The following PLIN4 variants were observed in gnomAD, a reference collection of about 807,000 sequenced individuals.
PLIN4 encodes perilipin-4.
In PLIN4, 57 loss-of-function variants were observed where a neutral mutation model predicts 52.4. The observed-to-expected ratio is 1.09, with a 90% CI of 0.88 to 1.36. The LOEUF is 1.36. Ranked by LOEUF, PLIN4 falls within the 40% of genes most tolerant of loss-of-function variation. The pLI, the probability that PLIN4 is intolerant of heterozygous loss-of-function variation, is 0.00. For missense variants in PLIN4, 1,757 were observed against 1,770.3 expected, an observed-to-expected ratio of 0.99 and a Z score of 0.13; for synonymous variants, 826 against 785.4, an observed-to-expected ratio of 1.05 and a Z score of -0.86.
In PLIN4 at chr19:4,513,621, C is replaced by T. The variant is rs772367508; in HGVS notation, c.339G>A (p.Val113=). 12 of 1,609,326 alleles carry T rather than the reference C, an allele frequency of 7.5e-6. No individual in the cohort carries two copies. Among genetic ancestry groups the T allele is most frequent in the East Asian group, 2.2e-5 (1 of 44,732 alleles). Residue 113 remains valine (V), a synonymous_variant, in exon 5 of 8, where the codon GTG becomes GTA. Coordinates refer to ENST00000301286, the MANE Select transcript of PLIN4 (RefSeq NM_001367868.2). Reference sequence around the variant, plus strand: ...GGACCACTCCCTTAGCCACGTCCACCACGCTGGCCACCCCGGAGGACACGG... The same window carrying T: ...GGACCACTCCCTTAGCCACGTCCACTACGCTGGCCACCCCGGAGGACACGG... The part of the protein sequence containing the change: ...KDAVSSGVAS[V]VDVAKGVVQG...
Position 4,518,213 on chromosome 19 carries a change from CCT to C in PLIN4, c.51+7_51+8del. The C allele has an allele frequency of 2.4e-6, 3 of 1,233,214 alleles. No homozygotes were observed. Among genetic ancestry groups the C allele is most frequent in the East Asian group, 3.2e-5 (1 of 31,724 alleles). 76.4% of individuals were successfully genotyped at this position (1,233,214 alleles called of 1,614,324 possible). A position where few individuals can be genotyped will look rare whatever the true frequency, so the allele number is the denominator to read the frequency against. ...CCCAGCAAGAATCTGCCCCATTTCC[CCT>C]CTTTACCTTGCCCTTCGGTTTGGGG... On this transcript the variant is annotated splice_region_variant and intron_variant, in intron 2 of 7. Coordinates refer to ENST00000301286, the MANE Select transcript of PLIN4 (RefSeq NM_001367868.2).
rs773425940 is a variant in PLIN4 at position 4,510,784 on chromosome 19, G to C, written c.3176C>G (p.Thr1059Ser). The C allele has an allele frequency of 6.3e-7, 1 of 1,589,988 alleles. No individual in the cohort carries two copies. Among genetic ancestry groups the C allele is most frequent in the South Asian group, 1.1e-5 (1 of 88,756 alleles). Residue 1059 changes from threonine to serine, a missense_variant, in exon 5 of 8, where the codon ACC (threonine) becomes AGC (serine). Coordinates refer to ENST00000301286, the MANE Select transcript of PLIN4 (RefSeq NM_001367868.2). ...LSTFQNWLPS[T>S]PATSWGGLTS... The stretch of plus-strand genomic sequence containing the variant: ...GAGTCCACCCCAGGAGGTGGCGGGG[G>C]TACTAGGTAACCAGTTCTGGAAGGT...
intron 5 of PLIN4, 37 bp downstream of exon 5, chr19:4,510,409 C>A: frequency 7.3e-7 from 1 of 1,372,992 alleles, no homozygotes; most frequent in Non-Finnish European, 9.5e-7. Flanking sequence ...GCAGCTGTGC[C>A]TGCCTCAGGG....
Position 4,504,342 on chromosome 19 carries a change from C to T in PLIN4, c.*117G>A. 9.2e-7 allele frequency: 1 copy of T among 1,085,888 alleles called. No homozygotes were observed. The highest frequency in any genetic ancestry group is 1.3e-6 in the Non-Finnish European group (1 of 788,650). The allele number at this position is 1,085,888 out of a possible 1,614,324, so 67.3% of individuals were successfully genotyped here. A position where few individuals can be genotyped will look rare whatever the true frequency, so the allele number is the denominator to read the frequency against. On this transcript the variant is annotated 3_prime_UTR_variant, in exon 8 of 8. Coordinates refer to ENST00000301286, the MANE Select transcript of PLIN4 (RefSeq NM_001367868.2). Reference sequence around the variant, plus strand: ...CTCGGCGCTCAGCCAGCTGCAGCCCCAAAGGTCTAGGGCTTTAGGGAACCG... The same window carrying T: ...CTCGGCGCTCAGCCAGCTGCAGCCCTAAAGGTCTAGGGCTTTAGGGAACCG...
Position 4,504,702 on chromosome 19 carries a change from G to A in PLIN4, c.3873C>T (p.Leu1291=), listed in dbSNP as rs749464185. 3 of 1,601,326 alleles carry A rather than the reference G, an allele frequency of 1.9e-6. No homozygotes were observed. Among genetic ancestry groups the A allele is most frequent in the Admixed American group, 1.7e-5 (1 of 59,354 alleles). The change falls in exon 8 of 8, where the codon CTC becomes CTT. Residue 1291 remains leucine (L), a synonymous_variant. Coordinates refer to ENST00000301286, the MANE Select transcript of PLIN4 (RefSeq NM_001367868.2). ...GCTGGAGCTCGGCGGGCAGGCCCTG[G>A]AGGCTGGAGACCAGGCCACTGTAGG... ...HTAYSGLVSS[L]QGLPAELQQP...
rs753382929 is a variant in PLIN4, at chr19:4,504,574, C to T, written c.4001G>A (p.Arg1334His). Residue 1334 changes from arginine to histidine, a missense_variant, in exon 8 of 8, where the codon CGC (arginine) becomes CAC (histidine). This residue lies in a region of PLIN4 where 712 missense variants were observed against 637.1 expected (regional missense o/e 1.12). Coordinates refer to ENST00000301286, the MANE Select transcript of PLIN4 (RefSeq NM_001367868.2). ...CTGCCAAGCCTGGTGCACACCCTCG[C>T]GGCTCTGCACCAGCCGCTCTGCGGG... ...ELPAERLVQS[R>H]EGVHQAWQGL... 14 of 1,601,082 alleles carry T rather than the reference C, an allele frequency of 8.7e-6. No homozygotes were observed. Among genetic ancestry groups the T allele is most frequent in the Middle Eastern group, 1.7e-4 (1 of 6,056 alleles).
chr19:4,515,128 A>T (rs1476077137), intron 4 of PLIN4, among the ~76,000 whole-genome samples: 3 of 151,156 alleles, frequency 2.0e-5, no homozygotes, highest in African/African-American at 7.3e-5. Flanking sequence ...GTGAGCCGAG[A>T]TCGTGCCATT....
In PLIN4 at chr19:4,513,448, G is replaced by T. The variant is rs527463190; in HGVS notation, c.512C>A (p.Thr171Lys). The T allele has an allele frequency of 1.9e-6, 3 of 1,613,474 alleles. No homozygotes were observed. The highest frequency in any genetic ancestry group is 2.7e-5 in the African/African-American group (2 of 75,052). ...SKAVLTGTKD[T>K]VSTGLTGAVN... is the part of the protein sequence containing the mutation. ...TGCCCCCGTGAGCCCAGTGGACACC[G>T]TGTCCTTGGTGCCGGTGAGGACAGC... is the stretch of plus-strand genomic sequence containing the variant. The change falls in exon 5 of 8, where the codon ACG (threonine) becomes AAG (lysine). Residue 171 changes from threonine to lysine, a missense_variant. This residue lies in a region of PLIN4 where 332 missense variants were observed against 310.8 expected (regional missense o/e 1.07). Coordinates refer to ENST00000301286, the MANE Select transcript of PLIN4 (RefSeq NM_001367868.2).
Position 4,504,135 on chromosome 19 carries a change from T to G in PLIN4, c.*324A>C. The G allele has an allele frequency of 3.6e-6, 1 of 281,294 alleles. No individual in the cohort carries two copies. The highest frequency in any genetic ancestry group is 6.6e-6 in the Non-Finnish European group (1 of 151,448). The allele number at this position is 281,294 out of a possible 1,614,324, so 17.4% of individuals were successfully genotyped here. On this transcript the variant is annotated 3_prime_UTR_variant, in exon 8 of 8. Coordinates refer to ENST00000301286, the MANE Select transcript of PLIN4 (RefSeq NM_001367868.2). ...GCCCTTCCAGGCTGGGCACGCTGCT[T>G]TTTCTCTTTCCTAATTGCAGTGCTT...
chr19:4,509,411 G>A (rs1434600933), intron 5 of PLIN4, among the ~76,000 whole-genome samples: 1 of 151,468 alleles, frequency 6.6e-6, no homozygotes, highest in Non-Finnish European at 1.5e-5. Context: ...GGGATCAGGA[G>A]CTCGAGACCA....
rs1976029121 is a variant in PLIN4 at position 4,504,596 on chromosome 19, C to T, written c.3979G>A (p.Ala1327Thr). The T allele has an allele frequency of 7.5e-6, 12 of 1,603,782 alleles. No homozygotes were observed. Among genetic ancestry groups the T allele is most frequent in the East Asian group, 2.2e-5 (1 of 44,600 alleles). The change falls in exon 8 of 8, where the codon GCA becomes ACA. Residue 1327 changes from alanine (A) to threonine (T), a missense_variant. Coordinates refer to ENST00000301286, the MANE Select transcript of PLIN4 (RefSeq NM_001367868.2). ...ASAGSVEELPAERLVQSREGV... is the reference protein window; with the variant it reads ...ASAGSVEELPTERLVQSREGV... The stretch of plus-strand genomic sequence containing the variant: ...TCGCGGCTCTGCACCAGCCGCTCTG[C>T]GGGCAGCTCCTCTACAGAGCCAGCT...
rs1308049711 is a variant in PLIN4 at position 4,509,748 on chromosome 19, T to A, written c.3514+698A>T. Among the ~76,000 whole-genome samples the A allele has an allele frequency of 1.3e-5, 2 of 152,064 alleles. 1 individual carries two copies. Among genetic ancestry groups the A allele is most frequent in the South Asian group, 4.1e-4 (2 of 4,826 alleles). ...TGAACCCAGGAGTTTGAGACCAGCC[T>A]GGGCAACATAGAGAGACAAAAAACA... On this transcript the variant is annotated intron_variant, in intron 5 of 7. Transcript: ENST00000301286.
At position 4,511,487 on chromosome 19, in the gene PLIN4, G is replaced by C; in HGVS notation, c.2473C>G (p.Leu825Val). 1 of 1,544,688 alleles carries C rather than the reference G, an allele frequency of 6.5e-7. No individual in the cohort carries two copies. The highest frequency in any genetic ancestry group is 8.9e-7 in the Non-Finnish European group (1 of 1,125,432). ...CAGACAGTGTCCTTGGTACCGGTCAGCACGGTCTTGGCCGTGTCTACACCC... is the reference window on the plus strand; with the variant it reads ...CAGACAGTGTCCTTGGTACCGGTCACCACGGTCTTGGCCGTGTCTACACCC... ...QMGVDTAKTV[L>V]TGTKDTVCSG... The change falls in exon 5 of 8, where the codon CTG (leucine) becomes GTG (valine). Residue 825 changes from leucine to valine, a missense_variant. Physicochemically the swap from Leu to Val is conservative, Grantham distance 32. Coordinates refer to ENST00000301286, the MANE Select transcript of PLIN4 (RefSeq NM_001367868.2).
chr19:4,517,814 C>T, intron 2 of PLIN4, 116 bp from the exon 3 acceptor site: 1 of 1,355,084 alleles, frequency 7.4e-7, no homozygotes, highest in Non-Finnish European at 9.9e-7. Context: ...CCTGGGTGAC[C>T]TCAGGAAAGT....
rs780716992 is a variant in PLIN4, at chr19:4,511,206, G to A, written c.2754C>T (p.Asp918=). The A allele has an allele frequency of 3.7e-6, 6 of 1,612,408 alleles. No individual in the cohort carries two copies. Among genetic ancestry groups the A allele is most frequent in the Non-Finnish European group, 5.1e-6 (6 of 1,178,926 alleles). Residue 918 remains aspartate (D), a synonymous_variant, in exon 5 of 8, where the codon GAC becomes GAT. Transcript: ENST00000301286. ...TACCGGTCAGGACAGTCTTGCTGGTGTCCACGCCGGTCTGGACAGTCCCTT... is the reference window on the plus strand; with the variant it reads ...TACCGGTCAGGACAGTCTTGCTGGTATCCACGCCGGTCTGGACAGTCCCTT... ...LAKGTVQTGV[D]TSKTVLTGTK... is the part of the protein sequence containing the mutation.
chr19:4,508,923 C>A lies in PLIN4; in HGVS notation c.3547G>T (p.Val1183Leu), dbSNP rs1363379108. The change falls in exon 6 of 8, where the codon GTG becomes TTG. Residue 1183 changes from valine (V) to leucine (L), a missense_variant. By Grantham distance (32) the Val-to-Leu change is conservative. Around this residue, in one of 7 missense-constraint regions of PLIN4, gnomAD observed 712 missense variants for 637.1 expected, o/e 1.12. Coordinates refer to ENST00000301286, the MANE Select transcript of PLIN4 (RefSeq NM_001367868.2). Reference protein sequence around the residue: ...QLAASQPGPKVLSAEQGSYFV... With the variant: ...QLAASQPGPKLLSAEQGSYFV... ...TAGCTCCCCTGTTCCGCCGACAGCACCTTTGGCCCAGGCTGGGAGGCAGCC... is the reference window on the plus strand; with the variant it reads ...TAGCTCCCCTGTTCCGCCGACAGCAACTTTGGCCCAGGCTGGGAGGCAGCC... 1 of 1,612,712 alleles carries A rather than the reference C, an allele frequency of 6.2e-7. No homozygotes were observed. Among genetic ancestry groups the A allele is most frequent in the South Asian group, 1.1e-5 (1 of 91,038 alleles).
Position 4,504,850 on chromosome 19 carries a change from G to A in PLIN4, c.3789+11C>T, listed in dbSNP as rs754738816. On this transcript the variant is annotated intron_variant, in intron 7 of 7. Transcript: ENST00000301286. ...CGGGGTGGGGGGACCCTAGCCCTGT[G>A]CCAGACCCACCTCCTGGACAGCAGC... 1.2e-6 allele frequency: 2 copies of A among 1,604,318 alleles called. No individual in the cohort carries two copies. The highest frequency in any genetic ancestry group is 1.7e-6 in the Non-Finnish European group (2 of 1,176,610).
In PLIN4 at chr19:4,513,306, C is replaced by A. The variant is rs1240726123; in HGVS notation, c.654G>T (p.Gly218=). ...GVMGAVNLAK[G]TVQTGVETSK... Reference sequence around the variant, plus strand: ...AGGTTTCCACGCCAGTCTGGACAGTCCCTTTGGCCAAGTTCACTGCCCCCA... The same window carrying A: ...AGGTTTCCACGCCAGTCTGGACAGTACCTTTGGCCAAGTTCACTGCCCCCA... Residue 218 remains glycine (G), a synonymous_variant, in exon 5 of 8, where the codon GGG becomes GGT. Transcript: ENST00000301286. 1 of 1,613,430 alleles carries A rather than the reference C, an allele frequency of 6.2e-7. No homozygotes were observed. The highest frequency in any genetic ancestry group is 2.2e-5 in the East Asian group (1 of 44,866).
chr19:4,513,403 G>A lies in PLIN4; in HGVS notation c.557C>T (p.Thr186Ile). 1.2e-6 allele frequency: 2 copies of A among 1,611,728 alleles called. No individual in the cohort carries two copies. The highest frequency in any genetic ancestry group is 1.7e-6 in the Non-Finnish European group (2 of 1,179,244). Residue 186 changes from threonine to isoleucine, a missense_variant, in exon 5 of 8, where the codon ACC (threonine) becomes ATC (isoleucine). This residue lies in a region of PLIN4 where 332 missense variants were observed against 310.8 expected (regional missense o/e 1.07). Coordinates refer to ENST00000301286, the MANE Select transcript of PLIN4 (RefSeq NM_001367868.2). ...LTGAVNVAKG[T>I]VQAGVDTTKT... ...GGTGGTGTCCACACCGGCCTGTACG[G>A]TCCCTTTGGCCACATTCACTGCCCC...
Sources: allele counts gnomAD v4.1 joint callset (sites outside exome capture counted in the v4.1 genomes callset), GRCh38; gene constraint gnomAD v4.1.1; regional missense constraint gnomAD v4.1.1; transcripts MANE v1.5; gene names NCBI Gene and HGNC (gene_info 2026-07-23, HGNC 2026-07-21).